AUTS2: variants seen among roughly 807,000 people sequenced by gnomAD.
AUTS2 encodes autism susceptibility gene 2 protein.
A neutral mutation model predicts 112.4 loss-of-function variants in AUTS2; 17 were observed. That is an observed-to-expected ratio of 0.15 (90% CI 0.10 to 0.23). The LOEUF is 0.23. AUTS2 is among the 10% of genes least tolerant of loss of function. AUTS2 has a pLI of 1.00. For missense variants in AUTS2, 1,510 were observed against 1,701.6 expected, an observed-to-expected ratio of 0.89 and a Z score of 1.98; for synonymous variants, 751 against 702.7, an observed-to-expected ratio of 1.07 and a Z score of -1.09.
At chr7:70,750,843 G>A (rs922505466) in intron 6 of AUTS2, among the ~76,000 whole-genome samples, 12 of 152,206 alleles carry the variant, frequency 7.9e-5, no homozygotes, top group African/African-American at 2.9e-4. Flanking sequence ...GTAGATGACG[G>A]ACAGTATGTA....
intron 2 of AUTS2, among the ~76,000 whole-genome samples, chr7:70,049,502 G>T (rs1390155899): frequency 1.3e-5 from 2 of 151,874 alleles, no homozygotes; most frequent in Admixed American, 1.3e-4. Context: ...GCTAATTTTT[G>T]TGTTTTTAGT....
intron 5 of AUTS2, among the ~76,000 whole-genome samples, chr7:70,665,479 T>G (rs1191880922): frequency 6.6e-6 from 1 of 151,914 alleles, no homozygotes. Flanking sequence ...ATTTATTTAT[T>G]TTTGTAGAGG....
intron 4 of AUTS2, among the ~76,000 whole-genome samples, chr7:70,329,737 T>A (rs1790658040): frequency 1.3e-5 from 2 of 151,816 alleles, no homozygotes; most frequent in South Asian, 2.1e-4. Flanking sequence ...TGATAATAAA[T>A]GCCTTTTGAT....
chr7:69,631,717 G>A (rs867823560), intron 1 of AUTS2, among the ~76,000 whole-genome samples: 3 of 152,142 alleles, frequency 2.0e-5, no homozygotes, highest in African/African-American at 7.2e-5. Context: ...TTTGCCAGCC[G>A]TACAGCTGAT....
chr7:70,280,469 T>G (rs1396212198), intron 4 of AUTS2, among the ~76,000 whole-genome samples: 2 of 137,998 alleles, frequency 1.4e-5, no homozygotes, highest in African/African-American at 5.7e-5. Context: ...TTTTTTTTTT[T>G]GTATTTTTAG....
intron 4 of AUTS2, among the ~76,000 whole-genome samples, chr7:70,191,418 A>G (rs1809885342): frequency 6.6e-6 from 1 of 151,616 alleles, no homozygotes; most frequent in Non-Finnish European, 1.5e-5. Flanking sequence ...TGATCCTCCC[A>G]CCTTGGCCTC....
intron 5 of AUTS2, among the ~76,000 whole-genome samples, chr7:70,491,850 G>A (rs1798259751): frequency 6.6e-6 from 1 of 151,970 alleles, no homozygotes; most frequent in Admixed American, 6.6e-5. Flanking sequence ...CCTGACCTCA[G>A]GTAATCCGCC....
chr7:69,883,865 T>C (rs1233153689), intron 1 of AUTS2, among the ~76,000 whole-genome samples: 1 of 152,230 alleles, frequency 6.6e-6, no homozygotes, highest in Non-Finnish European at 1.5e-5. Flanking sequence ...CTCTACCGAT[T>C]ACAAATATAT....
chr7:69,599,700 C>CGCGGTCGCAGCGAGACCGGGAGAG lies in AUTS2; in HGVS notation c.51_74dup (p.Gln19_Ser26dup). On this transcript the variant is annotated inframe_insertion, in exon 1 of 19. Coordinates refer to ENST00000342771, the MANE Select transcript of AUTS2 (RefSeq NM_015570.4). The surrounding 1 kb of genome is among the most constrained non-coding windows in gnomAD (Gnocchi z 7.0). Reference sequence around the variant, plus strand: ...CATGGACTCCGCAAAAAGCGGCGGTCGCGGTCGCAGCGAGACCGGGAGAGG... The same window carrying CGCGGTCGCAGCGAGACCGGGAGAG: ...CATGGACTCCGCAAAAAGCGGCGGTCGCGGTCGCAGCGAGACCGGGAGAGGCGGTCGCAGCGAGACCGGGAGAGG... 7.5e-7 allele frequency: 1 copy of CGCGGTCGCAGCGAGACCGGGAGAG among 1,326,090 alleles called. No individual in the cohort carries two copies. Among genetic ancestry groups the CGCGGTCGCAGCGAGACCGGGAGAG allele is most frequent in the Non-Finnish European group, 9.6e-7 (1 of 1,042,456 alleles). The allele number at this position is 1,326,090 out of a possible 1,614,324, so 82.1% of individuals were successfully genotyped here. A position where few individuals can be genotyped will look rare whatever the true frequency, so the allele number is the denominator to read the frequency against.
chr7:69,803,718 T>G (rs1209738833), intron 1 of AUTS2, among the ~76,000 whole-genome samples: 2 of 152,174 alleles, frequency 1.3e-5, no homozygotes, highest in Non-Finnish European at 2.9e-5. Flanking sequence ...GACTTAACAT[T>G]TTTCAGAACT....
chr7:69,620,753 A>AT (rs1793617296), intron 1 of AUTS2, among the ~76,000 whole-genome samples: 1 of 152,188 alleles, frequency 6.6e-6, no homozygotes, highest in Non-Finnish European at 1.5e-5. Flanking sequence ...TGGGTGGAAA[A>AT]TGAGTTTTTG....
chr7:69,746,039 A>T (rs1475593158), intron 1 of AUTS2, among the ~76,000 whole-genome samples: 5 of 146,676 alleles, frequency 3.4e-5, no homozygotes, highest in Non-Finnish European at 6.0e-5. Context: ...AATTAAAAGA[A>T]TTTTTTTTTT....
In AUTS2 at chr7:69,949,909, T is replaced by A. The variant is rs538902557; in HGVS notation, c.522+50411T>A. 4.6e-5 allele frequency among the ~76,000 whole-genome samples: 7 copies of A among 152,328 alleles called. No homozygotes were observed. The South Asian group carries it at 1.4e-3, about 32-fold the overall frequency. Reference sequence around the variant, plus strand: ...TTAATAGATATTTGTTAAATTGAACTGGATGCTTAATAAATGTTTGGATCT... The same window carrying A: ...TTAATAGATATTTGTTAAATTGAACAGGATGCTTAATAAATGTTTGGATCT... On this transcript the variant is annotated intron_variant, in intron 2 of 18. Coordinates refer to ENST00000342771, the MANE Select transcript of AUTS2 (RefSeq NM_015570.4).
chr7:70,698,042 G>T (rs539165862), intron 5 of AUTS2, among the ~76,000 whole-genome samples: 27 of 152,224 alleles, frequency 1.8e-4, no homozygotes, highest in Admixed American at 1.0e-3. Context: ...CACCAAGGTC[G>T]TTTGGTTACT....
At chr7:69,623,381 ATTTT>A (rs56204810) in intron 1 of AUTS2, among the ~76,000 whole-genome samples, 6,510 of 71,946 alleles carry the variant, frequency 0.09, 176 homozygotes, top group East Asian at 0.14. Flanking sequence ...ACGCCCAGCA[ATTTT>A]TTTTTTTTTT....
chr7:70,247,229 C>T (rs1812972073), intron 4 of AUTS2, among the ~76,000 whole-genome samples: 1 of 152,038 alleles, frequency 6.6e-6, no homozygotes, highest in African/African-American at 2.4e-5. Context: ...TATAGATGAA[C>T]TTTGAAGACA....
intron 7 of AUTS2, 143 bp downstream of exon 7, chr7:70,763,484 T>TGGGGCTGTTGGGTGAGACTC (rs1375680655): frequency 1.5e-6 from 1 of 651,708 alleles, no homozygotes; most frequent in East Asian, 2.8e-5. Context: ...AGACAGGGAA[T>TGGGGCTGTTGGGTGAGACTC]GGGGCTGTTG....
chr7:70,624,711 C>T (rs1313295793), intron 5 of AUTS2, among the ~76,000 whole-genome samples: 2 of 152,176 alleles, frequency 1.3e-5, no homozygotes, highest in African/African-American at 4.8e-5. Flanking sequence ...AAACACTGTG[C>T]CCCGCGTGGG....
intron 1 of AUTS2, among the ~76,000 whole-genome samples, chr7:69,620,378 C>T (rs2098116): frequency 0.61 from 93,329 of 152,068 alleles, 28,980 homozygotes; most frequent in East Asian, 0.7. Context: ...TGATGAATAC[C>T]GTCAGATGGA....
Sources: gnomAD v4.1 joint callset for allele counts (sites outside exome capture counted in the v4.1 genomes callset) on GRCh38, gnomAD v4.1.1 for gene constraint, Gnocchi (gnomAD v3.1) non-coding constraint, MANE v1.5 for transcripts, NCBI Gene and HGNC (gene_info 2026-07-23, HGNC 2026-07-21) for gene names.